The following RAB27A variants were observed in gnomAD, a reference collection of about 807,000 sequenced individuals.
RAB27A encodes the protein ras-related protein Rab-27A.
Under a neutral mutation model 20.8 loss-of-function variants are expected in RAB27A, and 17 were observed. The observed-to-expected ratio is 0.82, with a 90% CI of 0.56 to 1.23. RAB27A has a LOEUF of 1.23. Ranked by LOEUF, RAB27A falls within the 50% of genes most tolerant of loss-of-function variation. The probability of loss-of-function intolerance (pLI) is 0.00; values close to 1 mark genes in which losing one functional copy is unlikely to be tolerated. For missense variants in RAB27A, 277 were observed against 266.7 expected, an observed-to-expected ratio of 1.04 and a Z score of -0.27; for synonymous variants, 85 against 92.8, an observed-to-expected ratio of 0.92 and a Z score of 0.48.
intron 2 of RAB27A, among the ~76,000 whole-genome samples, chr15:55,307,108 G>A (rs1301352114): frequency 1.3e-5 from 2 of 151,984 alleles, no homozygotes; most frequent in Non-Finnish European, 2.9e-5. Context: ...CCCAGGATGT[G>A]TCTAGGGATG....
intron 2 of RAB27A, among the ~76,000 whole-genome samples, chr15:55,256,849 T>C (rs1295970420): frequency 6.6e-6 from 1 of 152,198 alleles, no homozygotes; most frequent in African/African-American, 2.4e-5. Flanking sequence ...ACAGACATTC[T>C]ATGCTGTATG....
intron 2 of RAB27A, among the ~76,000 whole-genome samples, chr15:55,262,502 A>G (rs1326646379): frequency 6.7e-6 from 1 of 150,300 alleles, no homozygotes; most frequent in Non-Finnish European, 1.5e-5. Flanking sequence ...AGATCACGCC[A>G]CTGCACTCCA....
intron 2 of RAB27A, among the ~76,000 whole-genome samples, chr15:55,300,455 A>G (rs2054967159): frequency 6.6e-6 from 1 of 152,074 alleles, no homozygotes; most frequent in Non-Finnish European, 1.5e-5. Flanking sequence ...TGAGGTGGGC[A>G]GATCACCTGA....
chr15:55,303,984 A>G (rs74647928), intron 2 of RAB27A, among the ~76,000 whole-genome samples: 68,318 of 144,342 alleles, frequency 0.47, 19,446 homozygotes, highest in African/African-American at 0.79. Flanking sequence ...CATTGAGAAC[A>G]GGCCAGGATG....
In RAB27A at chr15:55,231,008, T is replaced by C. The variant is rs559219859; in HGVS notation, c.154-522A>G. Reference sequence around the variant, plus strand: ...TGGAGTCCCTAGTGTCTACTGTTTCTGTCTTTATGTCCATGCGTACCCATT... The same window carrying C: ...TGGAGTCCCTAGTGTCTACTGTTTCCGTCTTTATGTCCATGCGTACCCATT... On this transcript the variant is annotated intron_variant, in intron 3 of 6. Transcript: ENST00000336787. 9.2e-5 allele frequency among the ~76,000 whole-genome samples: 14 copies of C among 152,332 alleles called. 1 individual carries two copies. The highest frequency in any genetic ancestry group is 3.4e-4 in the African/African-American group (14 of 41,576).
chr15:55,247,995 G>A (rs868650294), intron 2 of RAB27A, among the ~76,000 whole-genome samples: 1 of 148,136 alleles, frequency 6.8e-6, no homozygotes, highest in Non-Finnish European at 1.5e-5. Context: ...GTGCAGTGGC[G>A]CAATCTCTGC....
rs148830551 is a variant in RAB27A at position 55,222,988 on chromosome 15, ATGCTGCTGCTGC to A, written c.467+889_467+900del. 6.1e-4 allele frequency among the ~76,000 whole-genome samples: 92 copies of A among 151,716 alleles called. No homozygotes were observed. In the South Asian group the frequency reaches 0.018, roughly 29 times the overall value. On this transcript the variant is annotated intron_variant, in intron 6 of 6. Transcript: ENST00000336787. ...TGACCACTTCTTTCATGTCCAGTTC[ATGCTGCTGCTGC>A]TGCTGCTGCTGCTATGATCCTATTC...
intron 1 of RAB27A, among the ~76,000 whole-genome samples, chr15:55,282,465 A>C (rs1328755486): frequency 6.6e-6 from 1 of 152,130 alleles, no homozygotes; most frequent in Non-Finnish European, 1.5e-5. Context: ...TGGGATGATG[A>C]CTCAGGGTGA....
In RAB27A at chr15:55,226,669, ATGAAACCCCGGGAGATGGG is replaced by A. The variant is rs975724424; in HGVS notation, c.343+1921_343+1939del. Among the ~76,000 whole-genome samples, 47 of 152,222 alleles carry A rather than the reference ATGAAACCCCGGGAGATGGG, an allele frequency of 3.1e-4. No individual in the cohort carries two copies. In the South Asian group the frequency reaches 7.7e-3, roughly 25 times the overall value. On this transcript the variant is annotated intron_variant, in intron 5 of 6. Coordinates refer to ENST00000336787, the MANE Select transcript of RAB27A (RefSeq NM_183235.3). ...TGGATCACCTGAGGTCAGGAGTTGG[ATGAAACCCCGGGAGATGGG>A]TGAAACCCCATCTCTACAAAAATAC...
chr15:55,297,070 G>A (rs1053993661), intron 2 of RAB27A, among the ~76,000 whole-genome samples: 4 of 152,168 alleles, frequency 2.6e-5, no homozygotes, highest in African/African-American at 9.7e-5. Flanking sequence ...AGAGGGGAGG[G>A]TAAAGGGAAG....
In RAB27A at chr15:55,238,637, C is replaced by T. The variant is rs1448967818; in HGVS notation, c.-22-3681G>A. 3 of 149,224 alleles carry T rather than the reference C, an allele frequency of 2.0e-5. No homozygotes were observed. The East Asian group carries it at 5.8e-4, about 29-fold the overall frequency. The allele number at this position is 149,224 out of a possible 1,614,324, so 9.2% of individuals were successfully genotyped here. A position where few individuals can be genotyped will look rare whatever the true frequency, so the allele number is the denominator to read the frequency against. On this transcript the variant is annotated intron_variant, in intron 2 of 6. Transcript: ENST00000336787. ...ATTCTCCCCATTGTGGACGTTCAGA[C>T]TGGGTCTGAAGATCTAGAACAAATT...
intron 1 of RAB27A, chr15:55,317,406 C>T: frequency 4.4e-6 from 1 of 227,338 alleles, no homozygotes; most frequent in Non-Finnish European, 8.5e-6. Context: ...CCTCTGCCTC[C>T]CAGGTTCAAG....
intron 6 of RAB27A, among the ~76,000 whole-genome samples, chr15:55,221,282 C>CT (rs55854863): frequency 1 from 151,817 of 152,008 alleles, 75,815 homozygotes; most frequent in East Asian, 1. Flanking sequence ...CTGCCTTTTT[C>CT]TTTTTTTTCT....
chr15:55,263,769 T>C (rs1897358639), intron 2 of RAB27A, among the ~76,000 whole-genome samples: 1 of 107,518 alleles, frequency 9.3e-6, no homozygotes, highest in Admixed American at 1.0e-4. Flanking sequence ...TTGCCAAGTT[T>C]TTCCATTAGT....
chr15:55,269,690 G>C (rs904309481), intron 2 of RAB27A: 2 of 152,170 alleles, frequency 1.3e-5, no homozygotes, highest in Non-Finnish European at 2.9e-5. Context: ...GCAGTGACCC[G>C]AGATTGTACC....
chr15:55,287,118 C>A (rs887735399), intron 1 of RAB27A, among the ~76,000 whole-genome samples: 1 of 151,886 alleles, frequency 6.6e-6, no homozygotes, highest in African/African-American at 2.4e-5. Flanking sequence ...CAGGGCTTCA[C>A]CATGTTGGCC....
chr15:55,316,000 G>T (rs537570076), intron 1 of RAB27A, among the ~76,000 whole-genome samples: 4 of 152,264 alleles, frequency 2.6e-5, no homozygotes, highest in Non-Finnish European at 4.4e-5. Context: ...TTGGGAGGCC[G>T]AAGCAGGTGG....
chr15:55,274,705 G>A lies in RAB27A; in HGVS notation c.-142-4421C>T, dbSNP rs1393077734. On this transcript the variant is annotated intron_variant, in intron 1 of 6. Coordinates refer to ENST00000336787, the MANE Select transcript of RAB27A (RefSeq NM_183235.3). ...AAGCAGGAGAATCACTTGAACCTGG[G>A]AAGCAGAAGTTGCAGTGAGCTGAGA... 4.7e-5 allele frequency among the ~76,000 whole-genome samples: 7 copies of A among 149,004 alleles called. No homozygotes were observed. The East Asian group carries it at 9.8e-4, about 21-fold the overall frequency.
chr15:55,278,610 G>A (rs1033156145), intron 1 of RAB27A, among the ~76,000 whole-genome samples: 5 of 151,688 alleles, frequency 3.3e-5, no homozygotes, highest in Non-Finnish European at 5.9e-5. Context: ...AGCCTCCCAA[G>A]TAGCTGGGAC....
Sources: gnomAD v4.1 joint callset for allele counts (sites outside exome capture counted in the v4.1 genomes callset) on GRCh38, gnomAD v4.1.1 for gene constraint, MANE v1.5 for transcripts, NCBI Gene and HGNC (gene_info 2026-07-23, HGNC 2026-07-21) for gene names.